TMEM263: variants seen among roughly 807,000 people sequenced by gnomAD.
The protein encoded by TMEM263 is UPF0444 transmembrane protein C12orf23.
TMEM263 carries 5 observed loss-of-function variants against 8.6 expected under a neutral mutation model. The observed-to-expected ratio is 0.58, with a 90% CI of 0.31 to 1.23. TMEM263 has a LOEUF of 1.23. Among genes scored for constraint, TMEM263 ranks in the 50% most tolerant of loss-of-function variants. TMEM263 has a pLI of 0.07. For missense variants in TMEM263, 104 were observed against 138.8 expected, an observed-to-expected ratio of 0.75 and a Z score of 1.26; for synonymous variants, 50 against 47.9, an observed-to-expected ratio of 1.04 and a Z score of -0.18.
Position 106,972,742 on chromosome 12 carries a change from C to T in TMEM263, c.*1351C>T, listed in dbSNP as rs1447755681. On this transcript the variant is annotated 3_prime_UTR_variant, in exon 4 of 4. Transcript: ENST00000280756. ...TCGTTTCATGTTTAATTTCATAAAA[C>T]GTTTAACAATTGGCATATATACTTG... 1 of 151,860 alleles carries T rather than the reference C, an allele frequency of 6.6e-6. No homozygotes were observed. The highest frequency in any genetic ancestry group is 6.6e-5 in the Admixed American group (1 of 15,248). The allele number at this position is 151,860 out of a possible 1,614,324, so 9.4% of individuals were successfully genotyped here.
At chr12:106,964,233 C>T (rs558475692) in intron 2 of TMEM263, among the ~76,000 whole-genome samples, 2 of 152,320 alleles carry the variant, frequency 1.3e-5, no homozygotes, top group Non-Finnish European at 2.9e-5. Flanking sequence ...TGTTAAATAG[C>T]ATTCTCATCT....
rs1951936166 is a variant in TMEM263 at position 106,972,501 on chromosome 12, A to G, written c.*1110A>G. 1 of 152,164 alleles carries G rather than the reference A, an allele frequency of 6.6e-6. No homozygotes were observed. Among genetic ancestry groups the G allele is most frequent in the Admixed American group, 6.6e-5 (1 of 15,258 alleles). 9.4% of individuals were successfully genotyped at this position (152,164 alleles called of 1,614,324 possible). On this transcript the variant is annotated 3_prime_UTR_variant, in exon 4 of 4. Transcript: ENST00000280756. The stretch of plus-strand genomic sequence containing the variant: ...AGCTCCATAGATTAGTTTTGAATAT[A>G]AAGTATATAAAAGTGCATCAGTGGT...
chr12:106,966,137 T>C (rs1378716028), intron 2 of TMEM263, among the ~76,000 whole-genome samples: 1 of 152,164 alleles, frequency 6.6e-6, no homozygotes, highest in African/African-American at 2.4e-5. Flanking sequence ...TTACTCTCTT[T>C]CCACTCACCA....
chr12:106,967,382 C>CTTTTT, intron 3 of TMEM263: 1 of 396,072 alleles, frequency 2.5e-6, no homozygotes, highest in Non-Finnish European at 4.4e-6. Flanking sequence ...CCTCAGCCTC[C>CTTTTT]CAAGTAGCTG....
intron 2 of TMEM263, among the ~76,000 whole-genome samples, chr12:106,959,001 T>A (rs910168988): frequency 6.6e-6 from 1 of 152,262 alleles, no homozygotes; most frequent in African/African-American, 2.4e-5. Context: ...GTTTCTTGAA[T>A]GATTCACTAA....
intron 2 of TMEM263, among the ~76,000 whole-genome samples, chr12:106,960,900 A>G (rs543235318): frequency 6.6e-5 from 10 of 152,188 alleles, no homozygotes; most frequent in African/African-American, 9.7e-5. Context: ...TTTGGAAAGC[A>G]TGTCTCTAGC....
intron 2 of TMEM263, among the ~76,000 whole-genome samples, chr12:106,961,066 A>G (rs1337951932): frequency 1.3e-5 from 2 of 151,180 alleles, no homozygotes; most frequent in East Asian, 1.9e-4. Flanking sequence ...GTCCTGTCCT[A>G]TCGTTTGAGA....
chr12:106,957,691 A>G (rs560291222), intron 2 of TMEM263, among the ~76,000 whole-genome samples: 18 of 152,328 alleles, frequency 1.2e-4, no homozygotes, highest in Middle Eastern at 3.4e-3. Flanking sequence ...CTCTGGTTTA[A>G]TAGAGTATTG....
At position 106,973,543 on chromosome 12, in the gene TMEM263, TCTAAA is replaced by T. The variant is rs1951956321; in HGVS notation, c.*2156_*2160del. 1 of 152,634 alleles carries T rather than the reference TCTAAA, an allele frequency of 6.6e-6. No homozygotes were observed. The highest frequency in any genetic ancestry group is 2.4e-5 in the African/African-American group (1 of 41,474). 9.5% of individuals were successfully genotyped at this position (152,634 alleles called of 1,614,324 possible). Reference sequence around the variant, plus strand: ...TTGTCTCATCAGGATTGTTTTAAATTCTAAACTATAAGTTTGTTCAGAGGGGCTTT... The same window carrying T: ...TTGTCTCATCAGGATTGTTTTAAATTCTATAAGTTTGTTCAGAGGGGCTTT... On this transcript the variant is annotated 3_prime_UTR_variant, in exon 4 of 4. Coordinates refer to ENST00000280756, the MANE Select transcript of TMEM263 (RefSeq NM_152261.4).
At chr12:106,961,691 A>G (rs1951780425) in intron 2 of TMEM263, among the ~76,000 whole-genome samples, 1 of 152,168 alleles carries the variant, frequency 6.6e-6, no homozygotes, top group South Asian at 2.1e-4. Context: ...GAAACAAGAC[A>G]TTTTCTAAAT....
At chr12:106,957,239 TAACTTTTTAAAAAGA>T (rs1428789271) in intron 2 of TMEM263, 90 bp downstream of exon 2, 1 of 899,800 alleles carries the variant, frequency 1.1e-6, no homozygotes, top group African/African-American at 1.8e-5. Context: ...CGCCCATGCT[TAACTTTTTAAAAAGA>T]AAGGGAGAAG....
chr12:106,967,986 T>C (rs1057217235), intron 3 of TMEM263, among the ~76,000 whole-genome samples: 6 of 152,208 alleles, frequency 3.9e-5, no homozygotes, highest in African/African-American at 1.4e-4. Flanking sequence ...AATTGTGTTA[T>C]CATGAATCAT....
chr12:106,956,450 C>T (rs1018024708), intron 1 of TMEM263, among the ~76,000 whole-genome samples: 8 of 152,180 alleles, frequency 5.3e-5, no homozygotes, highest in African/African-American at 1.9e-4. Flanking sequence ...CTCGCCCTGC[C>T]AACTCCTGAC....
Position 106,972,708 on chromosome 12 carries a change from ATTTTC to A in TMEM263, c.*1323_*1327del, listed in dbSNP as rs1302267641. 9 of 152,024 alleles carry A rather than the reference ATTTTC, an allele frequency of 5.9e-5. No homozygotes were observed. The highest frequency in any genetic ancestry group is 2.1e-4 in the South Asian group (1 of 4,834). The allele number at this position is 152,024 out of a possible 1,614,324, so 9.4% of individuals were successfully genotyped here. A position where few individuals can be genotyped will look rare whatever the true frequency, so the allele number is the denominator to read the frequency against. ...TCTTAATATGATTTAGCTGGAATTC[ATTTTC>A]TTTTCGTTTCATGTTTAATTTCATA... On this transcript the variant is annotated 3_prime_UTR_variant, in exon 4 of 4. Coordinates refer to ENST00000280756, the MANE Select transcript of TMEM263 (RefSeq NM_152261.4).
In TMEM263 at chr12:106,971,562, G is replaced by A; in HGVS notation, c.*171G>A. On this transcript the variant is annotated 3_prime_UTR_variant, in exon 4 of 4. Transcript: ENST00000280756. ...AAAAGAAGAGACCAATACGAGCACAGTATATGAAGGTTTCTCATACTTAAG... is the reference window on the plus strand; with the variant it reads ...AAAAGAAGAGACCAATACGAGCACAATATATGAAGGTTTCTCATACTTAAG... The A allele has an allele frequency of 1.8e-6, 1 of 555,118 alleles. No individual in the cohort carries two copies. Among genetic ancestry groups the A allele is most frequent in the Non-Finnish European group, 2.9e-6 (1 of 343,452 alleles). 34.4% of individuals were successfully genotyped at this position (555,118 alleles called of 1,614,324 possible).
At chr12:106,963,992 GGGTAT>G (rs542463308) in intron 2 of TMEM263, among the ~76,000 whole-genome samples, 1 of 152,060 alleles carries the variant, frequency 6.6e-6, no homozygotes, top group Non-Finnish European at 1.5e-5. Flanking sequence ...TTTCTCTATA[GGGTAT>G]GGTACCTTCT....
chr12:106,963,321 C>G (rs1195020022), intron 2 of TMEM263, among the ~76,000 whole-genome samples: 2 of 152,022 alleles, frequency 1.3e-5, no homozygotes, highest in Non-Finnish European at 2.9e-5. Flanking sequence ...GCTCGGAGAC[C>G]CATTCAGAGA....
rs532351061 is a variant in TMEM263, at chr12:106,966,427, G to T, written c.-6-684G>T. On this transcript the variant is annotated intron_variant, in intron 2 of 3. Transcript: ENST00000280756. ...AGGTTGATTCCATGTCTTTGTTATT[G>T]TGAATAGTACTGTGATGAACATAAC... Among the ~76,000 whole-genome samples the T allele has an allele frequency of 2.0e-5, 3 of 152,242 alleles. No individual in the cohort carries two copies. In the South Asian group the frequency reaches 6.2e-4, roughly 32 times the overall value.
intron 2 of TMEM263, among the ~76,000 whole-genome samples, chr12:106,961,389 A>G (rs776146002): frequency 6.6e-6 from 1 of 151,956 alleles, no homozygotes; most frequent in African/African-American, 2.4e-5. Flanking sequence ...CACAAATACT[A>G]TCTGGCAGCT....
Sources: gnomAD v4.1 joint callset for allele counts (sites outside exome capture counted in the v4.1 genomes callset) on GRCh38, gnomAD v4.1.1 for gene constraint, MANE v1.5 for transcripts, NCBI Gene and HGNC (gene_info 2026-07-23, HGNC 2026-07-21) for gene names.